RAVER2: variants seen among roughly 807,000 people sequenced by gnomAD.
The protein encoded by RAVER2 is ribonucleoprotein PTB-binding 2.
RAVER2 carries 46 observed loss-of-function variants against 78.1 expected under a neutral mutation model. That is an observed-to-expected ratio of 0.59 (90% CI 0.46 to 0.75). The LOEUF (loss-of-function observed/expected upper bound fraction) is 0.75, where lower values mean the gene tolerates loss of function less well. Among genes scored for constraint, RAVER2 ranks in the 30% least tolerant of loss-of-function variants. The pLI, the probability that RAVER2 is intolerant of heterozygous loss-of-function variation, is 0.00. For synonymous variants in RAVER2, 311 were observed against 313.3 expected (o/e 0.99, Z 0.08); for missense variants, 793 against 837.5 (o/e 0.95, Z 0.66).
chr1:64,832,091 T>C (rs1413040423), exon 12 of RAVER2: 1 of 152,602 alleles, frequency 6.6e-6, no homozygotes, highest in Admixed American at 6.5e-5. Flanking sequence ...GAAAGGAACA[T>C]GGGTTTCTGT....
intron 5 of RAVER2, among the ~76,000 whole-genome samples, chr1:64,791,371 C>G (rs2100854658): frequency 6.6e-6 from 1 of 152,292 alleles, no homozygotes; most frequent in East Asian, 1.9e-4. Context: ...TCACATGATG[C>G]AAAGCTCCAC....
intron 2 of RAVER2, among the ~76,000 whole-genome samples, chr1:64,772,714 G>C (rs1652354387): frequency 6.6e-6 from 1 of 152,096 alleles, no homozygotes; most frequent in African/African-American, 2.4e-5. Context: ...TTATAGGCAA[G>C]GGAATTAAAT....
At chr1:64,804,698 C>G (rs1653361911) in intron 6 of RAVER2, 36 bp from the exon 7 acceptor site, 1 of 1,105,066 alleles carries the variant, frequency 9.0e-7, no homozygotes, top group South Asian at 1.4e-5. Flanking sequence ...TGTAGCTTTT[C>G]AAAATTAAAC....
exon 12 of RAVER2, chr1:64,831,783 G>C (rs932836593): frequency 6.6e-6 from 1 of 152,248 alleles, no homozygotes. Flanking sequence ...GAAAACTTAT[G>C]ACATGAAATT....
intron 2 of RAVER2, among the ~76,000 whole-genome samples, chr1:64,776,941 A>G (rs1199331464): frequency 6.6e-6 from 1 of 152,118 alleles, no homozygotes; most frequent in East Asian, 1.9e-4. Context: ...AGGGCAGACT[A>G]TTTTTATTGT....
At position 64,768,643 on chromosome 1, in the gene RAVER2, T is replaced by C. The variant is rs116244399; in HGVS notation, c.250-13T>C. ...TTGTATGTTTACTGAATTCGTGTTT[T>C]TTTCTCTTTCAGGAAGTTCATGATT... is the stretch of plus-strand genomic sequence containing the variant. On this transcript the variant is annotated splice_polypyrimidine_tract_variant and intron_variant, in intron 1 of 11. Coordinates refer to ENST00000294428, the Ensembl canonical transcript of RAVER2. The C allele has an allele frequency of 6.6e-7, 1 of 1,521,718 alleles. No homozygotes were observed. The highest frequency in any genetic ancestry group is 9.1e-7 in the Non-Finnish European group (1 of 1,099,502). The allele number at this position is 1,521,718 out of a possible 1,614,324, so 94.3% of individuals were successfully genotyped here. A position where few individuals can be genotyped will look rare whatever the true frequency, so the allele number is the denominator to read the frequency against.
chr1:64,769,783 A>G (rs965702780), intron 2 of RAVER2, among the ~76,000 whole-genome samples: 1 of 152,062 alleles, frequency 6.6e-6, no homozygotes, highest in African/African-American at 2.4e-5. Flanking sequence ...GAATCAGAAG[A>G]AAGCCTTTTG....
intron 1 of RAVER2, among the ~76,000 whole-genome samples, chr1:64,746,960 T>C (rs1393646610): frequency 6.6e-6 from 1 of 152,262 alleles, no homozygotes; most frequent in Non-Finnish European, 1.5e-5. Context: ...AATGTCTTTG[T>C]AGAATGTCAG....
In RAVER2 at chr1:64,793,960, GATT is replaced by G. The variant is rs1279346765; in HGVS notation, c.1105+4450_1105+4452del. Among the ~76,000 whole-genome samples, 19 of 152,196 alleles carry G rather than the reference GATT, an allele frequency of 1.2e-4. No individual in the cohort carries two copies. In the South Asian group the frequency reaches 3.5e-3, roughly 28 times the overall value. On this transcript the variant is annotated intron_variant, in intron 5 of 11. Transcript: ENST00000294428. ...TCATTGATTTGTTGATGGGCATCTG[GATT>G]ATTTCCAGTTCGAGGTCATTACAAA...
chr1:64,820,416 A>T (rs1287775746), intron 11 of RAVER2, among the ~76,000 whole-genome samples: 2 of 152,178 alleles, frequency 1.3e-5, no homozygotes, highest in Non-Finnish European at 2.9e-5. Context: ...ATATTTAAAA[A>T]TTTTTAATTT....
Position 64,781,583 on chromosome 1 carries a change from CTCTT to C in RAVER2, c.978+16_978+19del. The C allele has an allele frequency of 1.2e-6, 2 of 1,600,162 alleles. No homozygotes were observed. The highest frequency in any genetic ancestry group is 1.7e-6 in the Non-Finnish European group (2 of 1,174,446). ...CGGCTCAACGTGTGGTAAGTTTTTTCTCTTTCTGTCTCTTTTTTTAGAGTATAGA... is the reference window on the plus strand; with the variant it reads ...CGGCTCAACGTGTGGTAAGTTTTTTCTCTGTCTCTTTTTTTAGAGTATAGA... On this transcript the variant is annotated intron_variant, in intron 4 of 11. Transcript: ENST00000294428.
At chr1:64,806,919 A>G (rs541696400) in intron 8 of RAVER2, among the ~76,000 whole-genome samples, 1 of 152,312 alleles carries the variant, frequency 6.6e-6, no homozygotes, top group Non-Finnish European at 1.5e-5. Context: ...CAACTTTAAC[A>G]ATATATAATT....
chr1:64,815,620 C>G (rs1460817441), intron 11 of RAVER2: 3 of 152,168 alleles, frequency 2.0e-5, no homozygotes, highest in Non-Finnish European at 4.4e-5. Context: ...TCAGATCTAT[C>G]CTGTTCGTTG....
intron 5 of RAVER2, among the ~76,000 whole-genome samples, chr1:64,789,781 G>T (rs763069616): frequency 8.6e-5 from 13 of 151,942 alleles, no homozygotes; most frequent in Non-Finnish European, 1.9e-4. Context: ...TTAGCTCTTA[G>T]TTGACATGAA....
chr1:64,801,414 T>C (rs990065284), intron 5 of RAVER2, among the ~76,000 whole-genome samples: 1 of 151,944 alleles, frequency 6.6e-6, no homozygotes, highest in African/African-American at 2.4e-5. Context: ...TTGTATATTA[T>C]GATTATTCCA....
intron 5 of RAVER2, among the ~76,000 whole-genome samples, chr1:64,792,095 T>C (rs184771909): frequency 2.6e-5 from 4 of 152,354 alleles, no homozygotes; most frequent in African/African-American, 9.6e-5. Flanking sequence ...TGTTTTCCTT[T>C]TTTAAGATGA....
At chr1:64,751,883 A>C (rs1651708261) in intron 1 of RAVER2, among the ~76,000 whole-genome samples, 1 of 152,206 alleles carries the variant, frequency 6.6e-6, no homozygotes, top group Non-Finnish European at 1.5e-5. Flanking sequence ...TATATTTTTA[A>C]ATCCTAAAAT....
chr1:64,796,722 T>G (rs185086369), intron 5 of RAVER2, among the ~76,000 whole-genome samples: 4 of 152,228 alleles, frequency 2.6e-5, no homozygotes, highest in Admixed American at 2.6e-4. Context: ...TTGTTTTCAT[T>G]GACTTTCTCT....
At chr1:64,785,866 T>C (rs1652766528) in intron 4 of RAVER2, among the ~76,000 whole-genome samples, 1 of 152,156 alleles carries the variant, frequency 6.6e-6, no homozygotes, top group South Asian at 2.1e-4. Context: ...AATTATGATA[T>C]TGTGTACCTC....
Sources: gnomAD v4.1 joint callset for allele counts (sites outside exome capture counted in the v4.1 genomes callset) on GRCh38, gnomAD v4.1.1 for gene constraint, MANE v1.5 for transcripts, NCBI Gene and HGNC (gene_info 2026-07-23, HGNC 2026-07-21) for gene names.